TTC23: variants seen among roughly 807,000 people sequenced by gnomAD.
The protein encoded by TTC23 is tetratricopeptide repeat domain 23, also known as tetratricopeptide repeat protein 23.
A neutral mutation model predicts 55.1 loss-of-function variants in TTC23; 58 were observed. The observed-to-expected ratio is 1.05, with a 90% confidence interval of 0.85 to 1.31. The LOEUF (loss-of-function observed/expected upper bound fraction) is 1.31, where lower values mean the gene tolerates loss of function less well. TTC23 is among the 50% of genes most tolerant of loss of function. TTC23 has a pLI of 0.00. For synonymous variants in TTC23, 203 were observed against 199.9 expected, an observed-to-expected ratio of 1.02 and a Z score of -0.13; for missense variants, 516 against 534.4, an observed-to-expected ratio of 0.97 and a Z score of 0.34.
Position 99,138,145 on chromosome 15 carries a change from G to A in TTC23, c.1227-18C>T, listed in dbSNP as rs782642479. On this transcript the variant is annotated intron_variant, in intron 13 of 13. Transcript: ENST00000394132. ...TGGGGGCCCTGCAGACAAGCAGAGG[G>A]TGGGGTGAGTGTGGTGCCCCTCAGC... is the stretch of plus-strand genomic sequence containing the variant. 5 of 1,611,388 alleles carry A rather than the reference G, an allele frequency of 3.1e-6. No individual in the cohort carries two copies. The Admixed American group carries it at 5.0e-5, about 16-fold the overall frequency.
At chr15:99,178,731 G>C (rs1169127726) in intron 9 of TTC23, among the ~76,000 whole-genome samples, 2 of 152,258 alleles carry the variant, frequency 1.3e-5, no homozygotes, top group East Asian at 3.9e-4. Flanking sequence ...ATTTCAGTAT[G>C]CATGAGATTG....
rs57733522 is a variant in TTC23, at chr15:99,148,360, C to CAAAAAAAAAAAAAAAAAAAAAA, written c.1143+7766_1143+7787dup. 3.8e-3 allele frequency among the ~76,000 whole-genome samples: 117 copies of CAAAAAAAAAAAAAAAAAAAAAA among 30,416 alleles called. 38 individuals carry two copies. The highest frequency in any genetic ancestry group is 4.9e-3 in the Non-Finnish European group (81 of 16,454). The allele number at this position is 30,416 out of a possible 152,430, so 20.0% of individuals were successfully genotyped here. A position where few individuals can be genotyped will look rare whatever the true frequency, so the allele number is the denominator to read the frequency against. ...TGGGTGACAGAGTGAGACTCTGTAC[C>CAAAAAAAAAAAAAAAAAAAAAA]AAAAAAAAAAAAAAAAAAAAAAAAA... On this transcript the variant is annotated intron_variant, in intron 12 of 13. Transcript: ENST00000394132.
At chr15:99,152,097 A>C (rs1212650870) in intron 12 of TTC23, among the ~76,000 whole-genome samples, 3 of 152,192 alleles carry the variant, frequency 2.0e-5, no homozygotes, top group Non-Finnish European at 4.4e-5. Context: ...TGAATGTTTA[A>C]GCACTATCCT....
At chr15:99,149,849 G>A (rs2069464378) in intron 12 of TTC23, among the ~76,000 whole-genome samples, 1 of 152,224 alleles carries the variant, frequency 6.6e-6, no homozygotes, top group African/African-American at 2.4e-5. Flanking sequence ...GTCCCACTGG[G>A]AGCCAGCAGT....
chr15:99,153,506 T>G (rs1314476277), intron 12 of TTC23, among the ~76,000 whole-genome samples: 1 of 152,234 alleles, frequency 6.6e-6, no homozygotes, highest in Admixed American at 6.5e-5. Flanking sequence ...TCAGAACTAG[T>G]TAATTCTTTT....
chr15:99,138,653 G>T (rs1428274699), intron 13 of TTC23, among the ~76,000 whole-genome samples: 1 of 152,230 alleles, frequency 6.6e-6, no homozygotes. Context: ...TCCTCACTGA[G>T]CTGAGGCCCT....
chr15:99,247,886 G>A lies in TTC23; in HGVS notation c.-431+1285C>T, dbSNP rs939040640. 8.6e-5 allele frequency among the ~76,000 whole-genome samples: 13 copies of A among 151,858 alleles called. No individual in the cohort carries two copies. The South Asian group carries it at 1.0e-3, about 12-fold the overall frequency. On this transcript the variant is annotated intron_variant, in intron 1 of 13. Coordinates refer to ENST00000394132, the MANE Select transcript of TTC23 (RefSeq NM_001288615.3). Reference sequence around the variant, plus strand: ...GTTGTGATTTTCTAAAACAATCATTGAGTTATATCCTTAAGACAAATGAAC... The same window carrying A: ...GTTGTGATTTTCTAAAACAATCATTAAGTTATATCCTTAAGACAAATGAAC...
chr15:99,190,780 G>A (rs1322137818), intron 9 of TTC23, among the ~76,000 whole-genome samples: 5 of 151,870 alleles, frequency 3.3e-5, no homozygotes, highest in Non-Finnish European at 7.4e-5. Flanking sequence ...ACATTTATAT[G>A]TCTTTTTATT....
chr15:99,196,547 T>G (rs2075729165), intron 9 of TTC23, among the ~76,000 whole-genome samples: 2 of 152,210 alleles, frequency 1.3e-5, no homozygotes, highest in Non-Finnish European at 1.5e-5. Context: ...GCCAGAAACC[T>G]GGGGTAAAGC....
rs959282394 is a variant in TTC23 at position 99,149,656 on chromosome 15, C to T, written c.1143+6492G>A. Among the ~76,000 whole-genome samples, 24 of 152,222 alleles carry T rather than the reference C, an allele frequency of 1.6e-4. 1 individual carries two copies. The highest frequency in any genetic ancestry group is 5.3e-4 in the African/African-American group (22 of 41,456). ...GAGCCACTGGCATAGAGTAAAGAGT[C>T]GGGCCTTATATAAGAACAACCTGCC... On this transcript the variant is annotated intron_variant, in intron 12 of 13. Coordinates refer to ENST00000394132, the MANE Select transcript of TTC23 (RefSeq NM_001288615.3).
chr15:99,142,201 G>A (rs1555490751), intron 12 of TTC23, among the ~76,000 whole-genome samples: 3 of 152,160 alleles, frequency 2.0e-5, no homozygotes, highest in Non-Finnish European at 4.4e-5. Flanking sequence ...CACCCTGCTT[G>A]GGTTACAGCT....
At chr15:99,170,743 C>A in intron 10 of TTC23, among the ~76,000 whole-genome samples, 1 of 152,206 alleles carries the variant, frequency 6.6e-6, no homozygotes, top group Non-Finnish European at 1.5e-5. Flanking sequence ...GGGGCATTGG[C>A]CACGTGAGGG....
intron 1 of TTC23, among the ~76,000 whole-genome samples, chr15:99,246,780 C>T (rs57471186): frequency 6.6e-6 from 1 of 151,968 alleles, no homozygotes; most frequent in African/African-American, 2.4e-5. Context: ...ATTAGCTGGG[C>T]GTGGTCGTGG....
chr15:99,165,612 T>A (rs1442574945), intron 10 of TTC23, among the ~76,000 whole-genome samples: 1 of 152,052 alleles, frequency 6.6e-6, no homozygotes, highest in Non-Finnish European at 1.5e-5. Flanking sequence ...TAACCCTCTC[T>A]TTCAATGGGG....
intron 9 of TTC23, among the ~76,000 whole-genome samples, chr15:99,180,326 T>C (rs565250697): frequency 6.6e-6 from 1 of 151,834 alleles, no homozygotes; most frequent in Admixed American, 6.6e-5. Flanking sequence ...ATATTCCACA[T>C]TGAACAAGGT....
intron 3 of TTC23, among the ~76,000 whole-genome samples, chr15:99,236,406 T>C (rs1366349832): frequency 6.6e-6 from 1 of 152,200 alleles, no homozygotes; most frequent in African/African-American, 2.4e-5. Flanking sequence ...CATCTTCTCA[T>C]GTACTTATTG....
chr15:99,202,863 G>T (rs1000529085), intron 8 of TTC23, among the ~76,000 whole-genome samples: 2 of 152,228 alleles, frequency 1.3e-5, no homozygotes, highest in African/African-American at 4.8e-5. Flanking sequence ...TTGAACCTTG[G>T]TTCCGTCATC....
intron 4 of TTC23, among the ~76,000 whole-genome samples, chr15:99,229,674 T>C (rs892231742): frequency 2.6e-5 from 4 of 152,218 alleles, no homozygotes; most frequent in Non-Finnish European, 5.9e-5. Context: ...TTAGCATGTG[T>C]GTAAGAAAAG....
At chr15:99,167,736 C>T (rs751102896) in intron 10 of TTC23, among the ~76,000 whole-genome samples, 13 of 152,190 alleles carry the variant, frequency 8.5e-5, no homozygotes, top group Non-Finnish European at 1.9e-4. Context: ...ATTCCAGTAA[C>T]CCTGCGTTCA....
Sources: allele counts gnomAD v4.1 joint callset (sites outside exome capture counted in the v4.1 genomes callset), GRCh38; gene constraint gnomAD v4.1.1; transcripts MANE v1.5; gene names NCBI Gene and HGNC (gene_info 2026-07-23, HGNC 2026-07-21).